OLFM1: variants seen among roughly 807,000 people sequenced by gnomAD.
OLFM1 encodes the protein noelin.
A neutral mutation model predicts 49.7 loss-of-function variants in OLFM1; 9 were observed. The ratio of observed to expected loss-of-function variants is 0.18; its 90% CI spans 0.11 to 0.32. The LOEUF is 0.32. OLFM1 is among the 10% of genes least tolerant of loss of function. The pLI is 1.00. For synonymous variants in OLFM1, 240 were observed against 271.8 expected (o/e 0.88, Z 1.15); for missense variants, 369 against 661.8 (o/e 0.56, Z 4.85).
In OLFM1 at chr9:135,077,050, G is replaced by C. The variant is rs982371369; in HGVS notation, c.96+1248G>C. 3 of 1,498,444 alleles carry C rather than the reference G, an allele frequency of 2.0e-6. No homozygotes were observed. In the African/African-American group the frequency reaches 5.5e-5, roughly 27 times the overall value. The allele number at this position is 1,498,444 out of a possible 1,614,324, so 92.8% of individuals were successfully genotyped here. On this transcript the variant is annotated intron_variant, in intron 1 of 5. Transcript: ENST00000252854. ...ACGATCAGCCAGTCCCTCCTGGAGAGGTTCTGCATGGCCTCTAGGAGAGGT... is the reference window on the plus strand; with the variant it reads ...ACGATCAGCCAGTCCCTCCTGGAGACGTTCTGCATGGCCTCTAGGAGAGGT...
intron 4 of OLFM1, among the ~76,000 whole-genome samples, chr9:135,101,196 G>C (rs1588214093): frequency 2.0e-5 from 3 of 152,168 alleles, no homozygotes; most frequent in South Asian, 4.2e-4. Context: ...GCCGTCCTGG[G>C]TGGTGAGGGC....
chr9:135,078,882 A>T (rs1251193995), intron 1 of OLFM1, among the ~76,000 whole-genome samples: 1 of 152,200 alleles, frequency 6.6e-6, no homozygotes, highest in African/African-American at 2.4e-5. Flanking sequence ...TGGCTGTGTG[A>T]CCTTGAGAAA....
At chr9:135,097,446 C>G (rs1034340834) in intron 3 of OLFM1, among the ~76,000 whole-genome samples, 1 of 152,160 alleles carries the variant, frequency 6.6e-6, no homozygotes, top group Non-Finnish European at 1.5e-5. Flanking sequence ...ACTCCTCTAA[C>G]GAGGGGGGTG....
At chr9:135,087,419 C>T (rs1359072042), upstream of OLFM1, 43 of 1,545,556 alleles carry the variant, frequency 2.8e-5, no homozygotes, top group Non-Finnish European at 3.7e-5. Context: ...GTGCCCCCAG[C>T]TGGAGTCCCC....
In OLFM1 at chr9:135,108,588, A is replaced by G. The variant is rs150525701; in HGVS notation, c.783+1733A>G. ...GCAGAGGTTGCAGTGAGCCGAGATC[A>G]TGCTACTGCACTCCAGCCTGGGTGA... On this transcript the variant is annotated intron_variant, in intron 5 of 5. Transcript: ENST00000371793. Among the ~76,000 whole-genome samples, 1,207 of 151,954 alleles carry G rather than the reference A, an allele frequency of 7.9e-3. 11 individuals carry two copies. The highest frequency in any genetic ancestry group is 0.025 in the African/African-American group (1,017 of 41,478).
intron 4 of OLFM1, among the ~76,000 whole-genome samples, chr9:135,105,359 C>T (rs938050964): frequency 2.6e-5 from 4 of 152,208 alleles, no homozygotes; most frequent in African/African-American, 4.8e-5. Context: ...GTGGGCTCCT[C>T]GTCCCTCTGA....
chr9:135,090,374 A>ATGTGTG lies in OLFM1; in HGVS notation c.300+36_300+41dup, dbSNP rs562156991. Reference sequence around the variant, plus strand: ...GTCTGCGCAGAGTGTGTGAGTTTGTATGTGTGTGTGTTTGTGTGTGTGTGT... The same window carrying ATGTGTG: ...GTCTGCGCAGAGTGTGTGAGTTTGTATGTGTGTGTGTGTGTGTTTGTGTGTGTGTGT... On this transcript the variant is annotated intron_variant, in intron 2 of 5. Coordinates refer to ENST00000371793, the MANE Select transcript of OLFM1 (RefSeq NM_001282611.2). The ATGTGTG allele has an allele frequency of 3.1e-5, 42 of 1,355,324 alleles. 1 individual carries two copies. The highest frequency in any genetic ancestry group is 5.5e-5 in the Admixed American group (3 of 54,134). The allele number at this position is 1,355,324 out of a possible 1,614,324, so 84.0% of individuals were successfully genotyped here. A position where few individuals can be genotyped will look rare whatever the true frequency, so the allele number is the denominator to read the frequency against.
chr9:135,116,244 G>C (rs1056575599), intron 5 of OLFM1, among the ~76,000 whole-genome samples: 2 of 152,084 alleles, frequency 1.3e-5, no homozygotes. Flanking sequence ...CTTTGCATGG[G>C]TGCCTTCCCA....
chr9:135,083,693 G>A (rs942892142), upstream of OLFM1, among the ~76,000 whole-genome samples: 2 of 152,214 alleles, frequency 1.3e-5, no homozygotes, highest in African/African-American at 4.8e-5. Context: ...TGATGGCAAC[G>A]GTGTGCATAG....
upstream of OLFM1, among the ~76,000 whole-genome samples, chr9:135,083,525 C>A (rs999357461): frequency 1.3e-5 from 2 of 152,184 alleles, no homozygotes; most frequent in East Asian, 3.9e-4. Flanking sequence ...CTGTGGGATG[C>A]TCTCCCCAGG....
chr9:135,106,578 G>C (rs1830946671), intron 4 of OLFM1, 171 bp from the exon 5 acceptor site: 3 of 592,088 alleles, frequency 5.1e-6, no homozygotes, highest in Non-Finnish European at 9.0e-6. Context: ...GAGAGTGGGG[G>C]AGTTGTCTGT....
At chr9:135,103,399 C>T (rs938724319) in intron 4 of OLFM1, among the ~76,000 whole-genome samples, 1 of 152,252 alleles carries the variant, frequency 6.6e-6, no homozygotes, top group Non-Finnish European at 1.5e-5. Flanking sequence ...AGGTGGCCTC[C>T]AGCCCCAAGG....
chr9:135,115,259 G>A (rs565717543), intron 5 of OLFM1, among the ~76,000 whole-genome samples: 4 of 152,310 alleles, frequency 2.6e-5, no homozygotes, highest in East Asian at 3.9e-4. Context: ...GCTTCAGGCC[G>A]AGCCTTCAAA....
At chr9:135,076,069 C>G (rs1445260261) in intron 1 of OLFM1, 1 of 1,464,730 alleles carries the variant, frequency 6.8e-7, no homozygotes, top group African/African-American at 1.4e-5. Context: ...CTCCGCTGCC[C>G]CCGACTCCCT....
At chr9:135,082,479 G>C (rs1615012) in intron 1 of OLFM1, among the ~76,000 whole-genome samples, 130,669 of 152,010 alleles carry the variant, frequency 0.86, 56,727 homozygotes, top group African/African-American at 0.91. Context: ...GAAAGAACAT[G>C]AGTGTATCGT....
intron 3 of OLFM1, among the ~76,000 whole-genome samples, chr9:135,096,362 C>T (rs921459439): frequency 3.3e-5 from 5 of 151,786 alleles, no homozygotes; most frequent in African/African-American, 4.8e-5. Flanking sequence ...TCTTCTCCTC[C>T]TCTGAGGCTG....
intron 5 of OLFM1, among the ~76,000 whole-genome samples, chr9:135,118,190 T>A (rs1290560582): frequency 2.6e-5 from 4 of 152,166 alleles, no homozygotes; most frequent in Non-Finnish European, 5.9e-5. Flanking sequence ...TCCACCCCAC[T>A]TTGGAAGTGC....
At position 135,120,022 on chromosome 9, in the gene OLFM1, C is replaced by G; in HGVS notation, c.1302C>G (p.Thr434=). 2 of 1,614,022 alleles carry G rather than the reference C, an allele frequency of 1.2e-6. No homozygotes were observed. The highest frequency in any genetic ancestry group is 1.7e-6 in the Non-Finnish European group (2 of 1,180,042). The change falls in exon 6 of 6, where the codon ACC becomes ACG. Residue 434 remains threonine, a synonymous_variant. Transcript: ENST00000371793. ...VHYAYQTNAS[T]YEYIDIPFQN... The stretch of plus-strand genomic sequence containing the variant: ...ATGCATACCAGACCAATGCCTCCAC[C>G]TATGAATACATCGACATCCCATTCC...
chr9:135,106,882 G>A lies in OLFM1; in HGVS notation c.783+27G>A, dbSNP rs761865849. The A allele has an allele frequency of 1.1e-5, 17 of 1,560,838 alleles. No individual in the cohort carries two copies. In the South Asian group the frequency reaches 1.5e-4, roughly 14 times the overall value. ...TGAGTGTCCCCTTATGTCATAGGGG[G>A]TCATTTGGGCAAGGGCGCTCTCGGA... On this transcript the variant is annotated intron_variant, in intron 5 of 5. Transcript: ENST00000371793.
Sources: gnomAD v4.1 joint callset for allele counts (sites outside exome capture counted in the v4.1 genomes callset) on GRCh38, gnomAD v4.1.1 for gene constraint, MANE v1.5 for transcripts, NCBI Gene and HGNC (gene_info 2026-07-23, HGNC 2026-07-21) for gene names.